The following IRAK1 variants were observed in gnomAD, a reference collection of about 807,000 sequenced individuals.
IRAK1 encodes the protein interleukin-1 receptor-associated kinase 1.
IRAK1 carries 9 observed loss-of-function variants against 49.8 expected under a neutral mutation model. The observed-to-expected ratio is 0.18, with a 90% CI of 0.11 to 0.32. IRAK1 has a LOEUF of 0.32. Among genes scored for constraint, IRAK1 ranks in the 10% least tolerant of loss-of-function variants. The pLI, the probability that IRAK1 is intolerant of heterozygous loss-of-function variation, is 1.00. For missense variants in IRAK1, 418 were observed against 600.5 expected (o/e 0.70, Z 3.18); for synonymous variants, 282 against 270.8 (o/e 1.04, Z -0.41).
chrX:154,017,122 A>C, intron 7 of IRAK1, 55 bp from the exon 8 acceptor site: 1 of 756,728 alleles, frequency 1.3e-6, no homozygotes, highest in Non-Finnish European at 2.1e-6. Flanking sequence ...CCTTGATCCC[A>C]ACCATCCTTC....
chrX:154,016,623 C>G lies in IRAK1; in HGVS notation c.1050G>C (p.Glu350Asp). 2 of 1,211,342 alleles carry G rather than the reference C, an allele frequency of 1.7e-6. No homozygotes were observed. The highest frequency in any genetic ancestry group is 2.2e-6 in the Non-Finnish European group (2 of 894,583). Residue 350 changes from glutamate to aspartate, a missense_variant, in exon 9 of 14, where the codon GAG (glutamate) becomes GAC (aspartate). Physicochemically the swap from Glu to Asp is conservative, Grantham distance 45 (BLOSUM62 2). Transcript: ENST00000369980. ...DIKSSNVLLD[E>D]RLTPKLGDFG... ...AGTCTCCCAGCTTGGGTGTCAGCCT[C>G]TCATCCAGAAGGACGTTGGAACTTG... is the stretch of plus-strand genomic sequence containing the variant.
At chrX:154,012,982 A>T in intron 12 of IRAK1, 61 bp downstream of exon 12, 1 of 1,170,008 alleles carries the variant, frequency 8.5e-7, no homozygotes, top group Non-Finnish European at 1.1e-6. Context: ...GTGGGGACTT[A>T]CAGGGGCTTT....
intron 10 of IRAK1, 21 bp from the exon 11 acceptor site, chrX:154,014,299 G>T: frequency 7.5e-6 from 9 of 1,202,834 alleles, no homozygotes; most frequent in Non-Finnish European, 1.0e-5. Context: ...AATACTGTCA[G>T]TATGGCTACC....
At chrX:154,012,785 G>T in intron 12 of IRAK1, 107 bp from the exon 13 acceptor site, 1 of 923,468 alleles carries the variant, frequency 1.1e-6, no homozygotes, top group South Asian at 2.4e-5. Flanking sequence ...AGAAGTCCAA[G>T]GGCAGGGCCC....
chrX:154,012,730 C>A, intron 12 of IRAK1, 52 bp from the exon 13 acceptor site: 1 of 1,146,832 alleles, frequency 8.7e-7, no homozygotes, highest in African/African-American at 1.8e-5. Flanking sequence ...CCCCAGCCCG[C>A]AGCCTAGCAC....
rs782198430 is a variant in IRAK1, at chrX:154,015,961, C to G, written c.1302+71G>C. On this transcript the variant is annotated intron_variant, in intron 10 of 13. Coordinates refer to ENST00000369980, the MANE Select transcript of IRAK1 (RefSeq NM_001569.4). ...ATGGGCACTGCGCCCCAGTTATCCC[C>G]GCCACTGGGGCTGTGCCTGCTGGCT... 4.3e-6 allele frequency: 4 copies of G among 925,489 alleles called. No homozygotes were observed. In the African/African-American group the frequency reaches 7.7e-5, roughly 18 times the overall value. The allele number at this position is 925,489 out of a possible 1,213,427, so 76.3% of individuals were successfully genotyped here.
rs1363607355 is a variant in IRAK1, at chrX:154,017,905, C to T, written c.909+101G>A. ...TGCAGGCCTGGCCTGCTGGCAGGACCCACTCACACAGGCTGAAAGCCCTAG... is the reference window on the plus strand; with the variant it reads ...TGCAGGCCTGGCCTGCTGGCAGGACTCACTCACACAGGCTGAAAGCCCTAG... On this transcript the variant is annotated intron_variant, in intron 7 of 13. Transcript: ENST00000369980. The T allele has an allele frequency of 5.3e-6, 3 of 565,195 alleles. No individual in the cohort carries two copies. In the African/African-American group the frequency reaches 6.8e-5, roughly 13 times the overall value. 46.6% of individuals were successfully genotyped at this position (565,195 alleles called of 1,213,427 possible).
chrX:154,012,686 G>A lies in IRAK1; in HGVS notation c.1931-8C>T. On this transcript the variant is annotated splice_region_variant and splice_polypyrimidine_tract_variant and intron_variant, in intron 12 of 13. Transcript: ENST00000369980. Reference sequence around the variant, plus strand: ...AGCTGCCAAGGGCCAGTCCTGGGGTGGAGATGGCACTCCCTTAGCCTCATG... The same window carrying A: ...AGCTGCCAAGGGCCAGTCCTGGGGTAGAGATGGCACTCCCTTAGCCTCATG... 8.3e-7 allele frequency: 1 copy of A among 1,208,174 alleles called. No homozygotes were observed. The highest frequency in any genetic ancestry group is 1.8e-5 in the South Asian group (1 of 56,407).
chrX:154,011,306 T>G lies in IRAK1; in HGVS notation c.*553A>C, dbSNP rs1464040347. On this transcript the variant is annotated 3_prime_UTR_variant, in exon 14 of 14. Coordinates refer to ENST00000369980, the MANE Select transcript of IRAK1 (RefSeq NM_001569.4). Reference sequence around the variant, plus strand: ...GGTCTCATCATGTTGCCCTGGCTGGTCTTGACCTACTGGGCTCCAGCGATC... The same window carrying G: ...GGTCTCATCATGTTGCCCTGGCTGGGCTTGACCTACTGGGCTCCAGCGATC... The G allele has an allele frequency of 1.2e-5, 3 of 253,039 alleles. No individual in the cohort carries two copies. The highest frequency in any genetic ancestry group is 2.2e-5 in the Non-Finnish European group (3 of 134,744). The allele number at this position is 253,039 out of a possible 1,213,427, so 20.9% of individuals were successfully genotyped here.
Position 154,018,764 on chromosome X carries a change from G to T in IRAK1, c.564C>A (p.Ser188=), listed in dbSNP as rs1557130419. The T allele has an allele frequency of 5.6e-6, 5 of 885,840 alleles. No individual in the cohort carries two copies. In the Admixed American group the frequency reaches 8.8e-5, roughly 16 times the overall value. The allele number at this position is 885,840 out of a possible 1,213,427, so 73.0% of individuals were successfully genotyped here. ...GAAAGGGGCGGGCTCCCTGCAGGAG[G>T]GACACTGAGCTCTCTGGGCCTGGCT... ...STKPGPESSV[S]LLQGARPFPF... The change falls in exon 5 of 14, where the codon TCC becomes TCA. Residue 188 remains serine (S), a synonymous_variant. Transcript: ENST00000369980.
rs782226801 is a variant in IRAK1, at chrX:154,011,923, G to A, written c.2081-6C>T. 1.1e-5 allele frequency: 13 copies of A among 1,205,600 alleles called. No homozygotes were observed. In the Admixed American group the frequency reaches 2.2e-4, roughly 20 times the overall value. On this transcript the variant is annotated splice_polypyrimidine_tract_variant and splice_region_variant and intron_variant, in intron 13 of 13. Coordinates refer to ENST00000369980, the MANE Select transcript of IRAK1 (RefSeq NM_001569.4). ...GTCCTGTTCCAGGCCCAAGCCTACAGAAGGAAGAGGAAAGTCCGCTTAGCA... is the reference window on the plus strand; with the variant it reads ...GTCCTGTTCCAGGCCCAAGCCTACAAAAGGAAGAGGAAAGTCCGCTTAGCA...
chrX:154,012,720 C>G (rs1370562978), intron 12 of IRAK1, 42 bp from the exon 13 acceptor site: 13 of 1,173,450 alleles, frequency 1.1e-5, no homozygotes, highest in African/African-American at 1.1e-4. Context: ...TGCTGTGGCT[C>G]CCCAGCCCGC....
intron 9 of IRAK1, 102 bp downstream of exon 9, chrX:154,016,335 T>C: frequency 1.2e-6 from 1 of 820,356 alleles, no homozygotes. Context: ...CCTCCTGGGG[T>C]CTTGGCAGAT....
At position 154,011,788 on chromosome X, in the gene IRAK1, G is replaced by A. The variant is rs782199923; in HGVS notation, c.*71C>T. On this transcript the variant is annotated 3_prime_UTR_variant, in exon 14 of 14. Coordinates refer to ENST00000369980, the MANE Select transcript of IRAK1 (RefSeq NM_001569.4). ...ACTGCCGGCAGAGTGCTGAGGACTC[G>A]TGCACCATGAGAACTTCTGACCATG... 8.6e-6 allele frequency: 9 copies of A among 1,041,268 alleles called. No homozygotes were observed. The highest frequency in any genetic ancestry group is 4.4e-5 in the Admixed American group (2 of 45,870). 85.8% of individuals were successfully genotyped at this position (1,041,268 alleles called of 1,213,427 possible).
chrX:154,012,447 C>T (rs2065705911), intron 13 of IRAK1, 82 bp downstream of exon 13: 16 of 1,079,009 alleles, frequency 1.5e-5, no homozygotes, highest in East Asian at 3.1e-5. Flanking sequence ...ACGCCCTCAG[C>T]GCAGTCGGGA....
At chrX:154,018,854 C>T (rs41304980) in intron 4 of IRAK1, 67 bp from the exon 5 acceptor site, 504 of 753,996 alleles carry the variant, frequency 6.7e-4, no homozygotes, top group South Asian at 1.0e-3. Flanking sequence ...GCTCCAGGCT[C>T]TCCCCACCAC....
At position 154,014,258 on chromosome X, in the gene IRAK1, C is replaced by G; in HGVS notation, c.1323G>C (p.Glu441Asp). The G allele has an allele frequency of 3.3e-6, 4 of 1,208,685 alleles. No homozygotes were observed. The highest frequency in any genetic ancestry group is 4.5e-6 in the Non-Finnish European group (4 of 894,544). ...TKYLKDLVEE[E>D]AEEAGVALRS... ...TCAAAGCCACTCCAGCCTCCTCAGC[C>G]TCCTCTTCCACCAGGTCTTTCTGTG... The change falls in exon 11 of 14, where the codon GAG (glutamate) becomes GAC (aspartate). Residue 441 changes from glutamate to aspartate, a missense_variant. By Grantham distance (45) the Glu-to-Asp change is conservative. This residue lies in a region of IRAK1 where 377 missense variants were observed against 499.5 expected (regional missense o/e 0.75). Coordinates refer to ENST00000369980, the MANE Select transcript of IRAK1 (RefSeq NM_001569.4).
chrX:154,011,916 G>A lies in IRAK1; in HGVS notation c.2082C>T (p.Gly694=), dbSNP rs1557127598. The A allele has an allele frequency of 1.7e-6, 2 of 1,208,359 alleles. No individual in the cohort carries two copies. The highest frequency in any genetic ancestry group is 2.2e-6 in the Non-Finnish European group (2 of 893,492). ...LQLLSSSSLP[G]LGLEQDRQGP... is the part of the protein sequence containing the mutation. ...CCTGCCTGTCCTGTTCCAGGCCCAAGCCTACAGAAGGAAGAGGAAAGTCCG... is the reference window on the plus strand; with the variant it reads ...CCTGCCTGTCCTGTTCCAGGCCCAAACCTACAGAAGGAAGAGGAAAGTCCG... The change falls in exon 14 of 14, where the codon GGC becomes GGT. Residue 694 remains glycine (G), a splice_region_variant and synonymous_variant. Coordinates refer to ENST00000369980, the MANE Select transcript of IRAK1 (RefSeq NM_001569.4).
intron 8 of IRAK1, 104 bp from the exon 9 acceptor site, chrX:154,016,748 G>A: frequency 1.3e-6 from 1 of 747,819 alleles, no homozygotes; most frequent in East Asian, 3.5e-5. Context: ...CTTGCCCACA[G>A]AAAGCGCTGG....
Sources: allele counts gnomAD v4.1 joint callset, GRCh38; gene constraint gnomAD v4.1.1; regional missense constraint gnomAD v4.1.1; transcripts MANE v1.5; gene names NCBI Gene and HGNC (gene_info 2026-07-23, HGNC 2026-07-21).